UTP6: variants seen among roughly 807,000 people sequenced by gnomAD.
UTP6 encodes U3 small nucleolar RNA-associated protein 6 homolog.
A neutral mutation model predicts 96.5 loss-of-function variants in UTP6; 60 were observed. The ratio of observed to expected loss-of-function variants is 0.62; its 90% CI spans 0.51 to 0.77. The LOEUF (loss-of-function observed/expected upper bound fraction) is 0.77. Among genes scored for constraint, UTP6 ranks in the 30% least tolerant of loss-of-function variants. The probability of loss-of-function intolerance (pLI) is 0.00; values close to 1 mark genes in which losing one functional copy is unlikely to be tolerated. For missense variants in UTP6, 637 were observed against 706.5 expected (o/e 0.90, Z 1.12); for synonymous variants, 215 against 240.1 (o/e 0.90, Z 0.96).
In UTP6 at chr17:31,901,558, G is replaced by C. The variant is rs953817706; in HGVS notation, c.70C>G (p.Leu24Val). 6.2e-7 allele frequency: 1 copy of C among 1,613,970 alleles called. No homozygotes were observed. The highest frequency in any genetic ancestry group is 1.3e-5 in the African/African-American group (1 of 75,000). Residue 24 changes from leucine to valine, a missense_variant, in exon 1 of 19, where the codon CTG (leucine) becomes GTG (valine). Leu to Val is a conservative substitution (Grantham distance 32). Coordinates refer to ENST00000261708, the MANE Select transcript of UTP6 (RefSeq NM_018428.3). The part of the protein sequence containing the change: ...PELEQLERIG[L>V]FSHAEIKAII... The stretch of plus-strand genomic sequence containing the variant: ...CACTTAATCTCCGCATGACTGAACA[G>C]TCCAATGCGCTCCAGCTGTTCCAAT...
intron 1 of UTP6, among the ~76,000 whole-genome samples, chr17:31,900,425 G>A (rs1014626900): frequency 3.3e-5 from 5 of 152,056 alleles, no homozygotes; most frequent in African/African-American, 1.2e-4. Context: ...CCGAGTAGCT[G>A]GGACTACAGG....
intron 16 of UTP6, among the ~76,000 whole-genome samples, chr17:31,870,396 C>A (rs1321333870): frequency 6.6e-6 from 1 of 151,960 alleles, no homozygotes; most frequent in African/African-American, 2.4e-5. Flanking sequence ...TTTTGATTTG[C>A]ATTTCTCTAA....
At chr17:31,901,471 T>TG in intron 1 of UTP6, 65 bp downstream of exon 1, 1 of 1,509,962 alleles carries the variant, frequency 6.6e-7, no homozygotes, top group South Asian at 1.1e-5. Flanking sequence ...ATCTAGCCCC[T>TG]GCCACACACT....
intron 4 of UTP6, among the ~76,000 whole-genome samples, 167 bp downstream of exon 4, chr17:31,894,478 C>T (rs1904519065): frequency 6.6e-6 from 1 of 151,940 alleles, no homozygotes; most frequent in African/African-American, 2.4e-5. Context: ...AATTTTCTTA[C>T]TGGTTTGTTA....
intron 18 of UTP6, among the ~76,000 whole-genome samples, chr17:31,864,355 C>A (rs1909698731): frequency 6.6e-6 from 1 of 152,138 alleles, no homozygotes. Flanking sequence ...CCACTGCACT[C>A]CAGCCTGGGT....
chr17:31,870,031 T>C (rs893657562), intron 16 of UTP6, among the ~76,000 whole-genome samples: 5 of 152,232 alleles, frequency 3.3e-5, no homozygotes, highest in Admixed American at 2.6e-4. Context: ...CTGCATAGTA[T>C]TCCATAGAGT....
chr17:31,866,457 G>A (rs141831806), intron 17 of UTP6, among the ~76,000 whole-genome samples: 2,744 of 151,782 alleles, frequency 0.018, 44 homozygotes, highest in Middle Eastern at 0.071. Flanking sequence ...GGCCAGGCGC[G>A]GTGGCTCACA....
Position 31,873,443 on chromosome 17 carries a change from C to T in UTP6, c.1431G>A (p.Lys477=). The stretch of plus-strand genomic sequence containing the variant: ...GATAAGCCCAATCCAGGTACTTATT[C>T]TTCAGGGTTACTGAGTCGGCACCTA... ...AVIGADSVTL[K]NKYLDWAYRS... The change falls in exon 16 of 19, where the codon AAG becomes AAA. Residue 477 remains lysine (K), a synonymous_variant. Coordinates refer to ENST00000261708, the MANE Select transcript of UTP6 (RefSeq NM_018428.3). 2 of 1,614,116 alleles carry T rather than the reference C, an allele frequency of 1.2e-6. No individual in the cohort carries two copies. Among genetic ancestry groups the T allele is most frequent in the South Asian group, 1.1e-5 (1 of 91,084 alleles).
chr17:31,867,639 TTA>T (rs1231207180), intron 17 of UTP6, among the ~76,000 whole-genome samples: 1 of 151,978 alleles, frequency 6.6e-6, no homozygotes, highest in African/African-American at 2.4e-5. Flanking sequence ...TTATACTGTA[TTA>T]TAATGAGAGC....
intron 16 of UTP6, among the ~76,000 whole-genome samples, chr17:31,870,648 G>C (rs893861974): frequency 3.4e-5 from 5 of 149,174 alleles, no homozygotes; most frequent in Admixed American, 2.0e-4. Context: ...CAGCCTCCCA[G>C]GTAGCTGGGA....
intron 16 of UTP6, among the ~76,000 whole-genome samples, chr17:31,869,906 G>A (rs1284360305): frequency 6.6e-6 from 1 of 152,062 alleles, no homozygotes; most frequent in African/African-American, 2.4e-5. Flanking sequence ...AGCTATAATT[G>A]CAAGTGAGAA....
At chr17:31,885,658 C>T (rs1911104888) in intron 9 of UTP6, among the ~76,000 whole-genome samples, 1 of 151,708 alleles carries the variant, frequency 6.6e-6, no homozygotes, top group African/African-American at 2.4e-5. Flanking sequence ...CAGGGTGGCA[C>T]ACACCTATAG....
intron 8 of UTP6, among the ~76,000 whole-genome samples, chr17:31,887,019 T>C (rs1274172174): frequency 6.6e-6 from 1 of 151,508 alleles, no homozygotes; most frequent in African/African-American, 2.4e-5. Flanking sequence ...TTTCAAAATG[T>C]AACAACATTA....
At chr17:31,874,694 G>A (rs1445602241) in intron 14 of UTP6, among the ~76,000 whole-genome samples, 2 of 151,980 alleles carry the variant, frequency 1.3e-5, no homozygotes, top group Non-Finnish European at 2.9e-5. Flanking sequence ...CACTTTGGGA[G>A]GCCAAGGCGG....
At chr17:31,872,085 C>T (rs1910203738) in intron 16 of UTP6, among the ~76,000 whole-genome samples, 1 of 151,454 alleles carries the variant, frequency 6.6e-6, no homozygotes, top group South Asian at 2.1e-4. Context: ...ATCCCAGCTA[C>T]TCAGGAGGCT....
At chr17:31,898,057 A>C (rs1904759352) in intron 2 of UTP6, among the ~76,000 whole-genome samples, 1 of 152,080 alleles carries the variant, frequency 6.6e-6, no homozygotes, top group African/African-American at 2.4e-5. Flanking sequence ...GTCTCTGACA[A>C]TCTCTGATCT....
chr17:31,872,810 G>C (rs1314079088), intron 16 of UTP6, among the ~76,000 whole-genome samples: 1 of 148,016 alleles, frequency 6.8e-6, no homozygotes, highest in Non-Finnish European at 1.5e-5. Flanking sequence ...AGACCAGCCT[G>C]GCCAACATGA....
chr17:31,875,437 G>A (rs776827123), intron 13 of UTP6, 24 bp from the exon 14 acceptor site: 1 of 1,601,274 alleles, frequency 6.2e-7, no homozygotes, highest in South Asian at 1.1e-5. Flanking sequence ...AGGATGACTG[G>A]AAAATTAATT....
At chr17:31,897,757 A>C (rs1904742494) in intron 2 of UTP6, among the ~76,000 whole-genome samples, 1 of 152,058 alleles carries the variant, frequency 6.6e-6, no homozygotes, top group African/African-American at 2.4e-5. Context: ...CAAAACTTCT[A>C]GTCTTATAAA....
Sources: gnomAD v4.1 joint callset for allele counts (sites outside exome capture counted in the v4.1 genomes callset) on GRCh38, gnomAD v4.1.1 for gene constraint, MANE v1.5 for transcripts, NCBI Gene and HGNC (gene_info 2026-07-23, HGNC 2026-07-21) for gene names.